Variants in HDX observed in about 807,000 individuals in gnomAD.
HDX encodes highly divergent homeobox.
HDX carries 19 observed loss-of-function variants against 45.2 expected under a neutral mutation model. That is an observed-to-expected ratio of 0.42 (90% CI 0.29 to 0.62). The LOEUF (loss-of-function observed/expected upper bound fraction) is 0.62. Among genes scored for constraint, HDX ranks in the 20% least tolerant of loss-of-function variants. HDX has a pLI of 0.20. For missense variants in HDX, 532 were observed against 493.9 expected (o/e 1.08, Z -0.73); for synonymous variants, 188 against 172.8 (o/e 1.09, Z -0.69).
At chrX:84,414,417 G>A (rs1422717742) in intron 5 of HDX, among the ~76,000 whole-genome samples, 1 of 111,395 alleles carries the variant, frequency 9.0e-6, no homozygotes, top group African/African-American at 3.3e-5. Context: ...AAATTCCAGG[G>A]GTAGAGGGGA....
chrX:84,404,509 A>C (rs1433764172), intron 5 of HDX, among the ~76,000 whole-genome samples: 1 of 111,490 alleles, frequency 9.0e-6, no homozygotes, highest in Non-Finnish European at 1.9e-5. Context: ...ATACAGTACC[A>C]ATTCAATTCA....
chrX:84,414,058 A>G (rs771746460), intron 5 of HDX, among the ~76,000 whole-genome samples: 4 of 111,815 alleles, frequency 3.6e-5, no homozygotes, highest in African/African-American at 9.7e-5. Context: ...GTCCTTTTGG[A>G]AAAAAGATCA....
intron 5 of HDX, among the ~76,000 whole-genome samples, chrX:84,423,181 A>G (rs2039305209): frequency 9.0e-6 from 1 of 110,639 alleles, no homozygotes; most frequent in Non-Finnish European, 1.9e-5. Context: ...ATAATCTAAC[A>G]AGATTAAACC....
At chrX:84,471,544 G>C (rs1281970429) in intron 3 of HDX, among the ~76,000 whole-genome samples, 1 of 108,357 alleles carries the variant, frequency 9.2e-6, no homozygotes, top group Non-Finnish European at 1.9e-5. Flanking sequence ...GGTATTCTGG[G>C]GGCAAGTGAG....
chrX:84,435,555 C>T (rs1172329707), intron 5 of HDX, among the ~76,000 whole-genome samples: 30 of 108,849 alleles, frequency 2.8e-4, no homozygotes, highest in Non-Finnish European at 7.7e-5. Context: ...TGCAGAAGCT[C>T]TTTAGTTTAA....
intron 3 of HDX, among the ~76,000 whole-genome samples, chrX:84,473,384 A>G (rs1373571907): frequency 9.3e-6 from 1 of 106,982 alleles, no homozygotes; most frequent in Non-Finnish European, 1.9e-5. Flanking sequence ...TGAGTCTACA[A>G]AAAAATTCCT....
At chrX:84,435,155 C>A (rs1305187217) in intron 5 of HDX, among the ~76,000 whole-genome samples, 1 of 110,821 alleles carries the variant, frequency 9.0e-6, no homozygotes, top group Admixed American at 9.7e-5. Flanking sequence ...GTTTCCATTT[C>A]ATTTAGTTCT....
At chrX:84,377,382 G>A (rs1420395204) in intron 5 of HDX, among the ~76,000 whole-genome samples, 8 of 111,435 alleles carry the variant, frequency 7.2e-5, no homozygotes, top group African/African-American at 2.6e-4. Context: ...AGGAAAACAT[G>A]AACTCACCAA....
intron 5 of HDX, among the ~76,000 whole-genome samples, chrX:84,405,980 T>C (rs779443329): frequency 9.0e-6 from 1 of 110,820 alleles, no homozygotes; most frequent in African/African-American, 3.3e-5. Context: ...CTTAATGTTA[T>C]ACAAATAGTT....
chrX:84,440,802 A>G (rs1028212247), intron 4 of HDX, among the ~76,000 whole-genome samples: 9 of 111,374 alleles, frequency 8.1e-5, no homozygotes, highest in African/African-American at 2.9e-4. Flanking sequence ...CTGGGAATTC[A>G]AAAGAAAGGT....
intron 5 of HDX, among the ~76,000 whole-genome samples, chrX:84,376,532 A>G (rs1278141648): frequency 9.0e-6 from 1 of 111,242 alleles, no homozygotes; most frequent in Non-Finnish European, 1.9e-5. Context: ...GTCTCAGACC[A>G]GGCAGCATTC....
chrX:84,488,856 G>A (rs1018710051), intron 1 of HDX, among the ~76,000 whole-genome samples: 7 of 111,262 alleles, frequency 6.3e-5, no homozygotes, highest in African/African-American at 1.3e-4. Flanking sequence ...ATTGTGATAC[G>A]GTGTCTGTCT....
chrX:84,347,683 C>T (rs1258652982), intron 6 of HDX, among the ~76,000 whole-genome samples: 2 of 111,388 alleles, frequency 1.8e-5, no homozygotes, highest in Admixed American at 1.9e-4. Context: ...TTCTCCTTCA[C>T]ATTTGAAGGA....
chrX:84,446,583 C>G (rs1468291249), intron 4 of HDX, among the ~76,000 whole-genome samples: 1 of 110,244 alleles, frequency 9.1e-6, no homozygotes, highest in African/African-American at 3.3e-5. Context: ...TGGACTGATA[C>G]ATTTATTCTG....
At chrX:84,457,136 CT>C (rs915923785) in intron 4 of HDX, among the ~76,000 whole-genome samples, 45 of 109,944 alleles carry the variant, frequency 4.1e-4, no homozygotes, top group East Asian at 8.5e-4. Context: ...ACAAAATCTT[CT>C]TTTTTTTTGG....
At chrX:84,478,659 G>C (rs1037836506) in intron 2 of HDX, among the ~76,000 whole-genome samples, 6 of 111,444 alleles carry the variant, frequency 5.4e-5, no homozygotes, top group African/African-American at 2.0e-4. Context: ...TTTGAAACCA[G>C]CTTGGGCAGC....
chrX:84,326,349 A>G, intron 9 of HDX, 49 bp from the exon 10 acceptor site: 1 of 977,184 alleles, frequency 1.0e-6, no homozygotes, highest in Non-Finnish European at 1.4e-6. Context: ...TAAACCCAGG[A>G]CTATACATGT....
chrX:84,448,772 A>AT (rs1205410510), intron 4 of HDX, among the ~76,000 whole-genome samples: 1 of 111,271 alleles, frequency 9.0e-6, no homozygotes, highest in Non-Finnish European at 1.9e-5. Flanking sequence ...GGATCACAAT[A>AT]TTTATTCAGC....
chrX:84,501,993 C>T (rs1230208353), intron 1 of HDX, among the ~76,000 whole-genome samples: 1 of 111,596 alleles, frequency 9.0e-6, no homozygotes, highest in Admixed American at 9.5e-5. Context: ...TGGTAGAATT[C>T]AATCCCCTCC....
Sources: gnomAD v4.1 joint callset for allele counts (sites outside exome capture counted in the v4.1 genomes callset) on GRCh38, gnomAD v4.1.1 for gene constraint, MANE v1.5 for transcripts, NCBI Gene and HGNC (gene_info 2026-07-23, HGNC 2026-07-21) for gene names.